The following CHN1 variants were observed in gnomAD, a reference collection of about 807,000 sequenced individuals.
CHN1 encodes chimerin 1, also known as N-chimaerin.
Under a neutral mutation model 59.5 loss-of-function variants are expected in CHN1, and 37 were observed. The observed-to-expected ratio is 0.62, with a 90% CI of 0.48 to 0.82. The LOEUF (loss-of-function observed/expected upper bound fraction) is 0.82. CHN1 is among the 40% of genes least tolerant of loss of function. The probability of loss-of-function intolerance (pLI) is 0.00; values close to 1 mark genes in which losing one functional copy is unlikely to be tolerated. For synonymous variants in CHN1, 206 were observed against 200.4 expected, an observed-to-expected ratio of 1.03 and a Z score of -0.24; for missense variants, 469 against 571.0, an observed-to-expected ratio of 0.82 and a Z score of 1.82.
intron 1 of CHN1, among the ~76,000 whole-genome samples, chr2:174,982,043 G>C (rs148786365): frequency 1.3e-5 from 2 of 152,198 alleles, no homozygotes; most frequent in South Asian, 4.1e-4. Flanking sequence ...GAGAACACGC[G>C]GTGTTTGGTT....
At chr2:174,954,044 A>T (rs551086765) in intron 1 of CHN1, among the ~76,000 whole-genome samples, 1 of 152,352 alleles carries the variant, frequency 6.6e-6, no homozygotes, top group South Asian at 2.1e-4. Flanking sequence ...TTCAAACTAT[A>T]CTATAAGGCC....
Position 175,005,175 on chromosome 2 carries a change from A to G in CHN1, c.-263T>C, listed in dbSNP as rs1692026387. The G allele has an allele frequency of 7.1e-6, 9 of 1,263,880 alleles. No homozygotes were observed. The highest frequency in any genetic ancestry group is 9.0e-6 in the Non-Finnish European group (9 of 1,002,196). The allele number at this position is 1,263,880 out of a possible 1,614,324, so 78.3% of individuals were successfully genotyped here. On this transcript the variant is annotated 5_prime_UTR_variant, in exon 1 of 13. Coordinates refer to ENST00000409900, the MANE Select transcript of CHN1 (RefSeq NM_001822.7). ...CGAGCCGGCACTTGTCGCTGCCATC[A>G]GGCGCGGAGCGTGCGCGCGGGAGGA...
chr2:174,863,233 T>C (rs1687120524), intron 6 of CHN1, among the ~76,000 whole-genome samples: 1 of 152,152 alleles, frequency 6.6e-6, no homozygotes, highest in Non-Finnish European at 1.5e-5. Flanking sequence ...ATGCATGATG[T>C]TTCAAAATCA....
chr2:174,988,274 G>A (rs74543896), intron 1 of CHN1, among the ~76,000 whole-genome samples: 17 of 151,002 alleles, frequency 1.1e-4, no homozygotes, highest in South Asian at 4.2e-4. Context: ...GGAGAATGGC[G>A]TGAACCCGGG....
chr2:174,884,629 G>T (rs1392921261), intron 5 of CHN1, among the ~76,000 whole-genome samples: 1 of 152,168 alleles, frequency 6.6e-6, no homozygotes, highest in Non-Finnish European at 1.5e-5. Flanking sequence ...TAGACAATGT[G>T]TGTGATTATA....
At chr2:175,002,674 T>C (rs766560469) in intron 1 of CHN1, among the ~76,000 whole-genome samples, 1 of 152,170 alleles carries the variant, frequency 6.6e-6, no homozygotes, top group Non-Finnish European at 1.5e-5. Context: ...ATACAAAAGA[T>C]AGGGCCCTGG....
chr2:174,995,271 C>G (rs1163291817), intron 1 of CHN1, among the ~76,000 whole-genome samples: 1 of 152,168 alleles, frequency 6.6e-6, no homozygotes, highest in Non-Finnish European at 1.5e-5. Flanking sequence ...GCACAGTCAA[C>G]TGCAATCTGA....
intron 1 of CHN1, among the ~76,000 whole-genome samples, chr2:174,994,761 T>C (rs1292154100): frequency 6.6e-6 from 1 of 152,154 alleles, no homozygotes; most frequent in Non-Finnish European, 1.5e-5. Flanking sequence ...AAATTTTTTC[T>C]GGAAAGTAGC....
chr2:174,867,630 A>G (rs575560526), intron 6 of CHN1, among the ~76,000 whole-genome samples: 265 of 152,272 alleles, frequency 1.7e-3, no homozygotes, highest in Non-Finnish European at 1.5e-3. Context: ...TTACATAATG[A>G]ATATTGAAAG....
chr2:174,811,392 T>C (rs1297728026), intron 10 of CHN1, 119 bp downstream of exon 10: 1 of 601,458 alleles, frequency 1.7e-6, no homozygotes, highest in African/African-American at 1.9e-5. Context: ...GTTTTTTAAT[T>C]TGGTATAATA....
chr2:174,806,697 T>C lies in CHN1; in HGVS notation c.1102+2208A>G, dbSNP rs529915648. Among the ~76,000 whole-genome samples, 3 of 152,262 alleles carry C rather than the reference T, an allele frequency of 2.0e-5. No homozygotes were observed. The South Asian group carries it at 6.2e-4, about 32-fold the overall frequency. ...ACATCTCCTTTCTAAAATTACATCA[T>C]GGATGTAAAGTGCTCGGCAGGATTC... On this transcript the variant is annotated intron_variant, in intron 11 of 12. Transcript: ENST00000409900.
chr2:174,894,714 C>G (rs1464358765), intron 5 of CHN1, among the ~76,000 whole-genome samples: 1 of 152,124 alleles, frequency 6.6e-6, no homozygotes, highest in Non-Finnish European at 1.5e-5. Context: ...GATGTGAAAG[C>G]AACCAAGACG....
At chr2:174,804,443 T>G (rs1684823363) in intron 11 of CHN1, among the ~76,000 whole-genome samples, 1 of 152,170 alleles carries the variant, frequency 6.6e-6, no homozygotes, top group South Asian at 2.1e-4. Flanking sequence ...AAGGTCATGA[T>G]GTGACATGTA....
At chr2:174,885,042 C>G (rs1203081662) in intron 5 of CHN1, among the ~76,000 whole-genome samples, 2 of 151,908 alleles carry the variant, frequency 1.3e-5, no homozygotes, top group Non-Finnish European at 2.9e-5. Context: ...AATCCCAGCA[C>G]TTTGGGAGGC....
intron 6 of CHN1, among the ~76,000 whole-genome samples, chr2:174,865,857 G>A (rs1179513421): frequency 6.6e-6 from 1 of 152,132 alleles, no homozygotes; most frequent in East Asian, 1.9e-4. Context: ...TTAACAAAAA[G>A]AACATATGGG....
At chr2:174,867,355 G>A (rs529965101) in intron 6 of CHN1, among the ~76,000 whole-genome samples, 124 of 151,420 alleles carry the variant, frequency 8.2e-4, no homozygotes, top group Middle Eastern at 3.4e-3. Context: ...CTCCCGCACA[G>A]GTGACAGAGC....
At chr2:174,958,984 C>T (rs1574213586) in intron 1 of CHN1, among the ~76,000 whole-genome samples, 1 of 151,914 alleles carries the variant, frequency 6.6e-6, no homozygotes, top group Non-Finnish European at 1.5e-5. Context: ...CAATCATGGC[C>T]AAATAAATTT....
At chr2:174,846,410 T>C (rs1234546890) in intron 7 of CHN1, 1 of 1,543,424 alleles carries the variant, frequency 6.5e-7, no homozygotes, top group East Asian at 2.5e-5. Context: ...TCATGGTCAA[T>C]TCATTAACAG....
chr2:174,952,166 TA>T lies in CHN1; in HGVS notation c.55del (p.Tyr19ThrfsTer35). ...DEYRPPVWKSYLYQLQQEAPH... is the reference protein window; with the variant it reads ...DEYRPPVWKSXLYQLQQEAPH... ...CACACAATTATTTGTAGACTTACAG[TA>T]AGATTTCCAAACAGGAGGTCTATAT... On this transcript the variant is annotated frameshift_variant, in exon 2 of 13. Transcript: ENST00000409900. LOFTEE classifies it high-confidence loss of function. 1 of 1,445,146 alleles carries T rather than the reference TA, an allele frequency of 6.9e-7. No individual in the cohort carries two copies. The highest frequency in any genetic ancestry group is 9.2e-7 in the Non-Finnish European group (1 of 1,092,706). The allele number at this position is 1,445,146 out of a possible 1,614,324, so 89.5% of individuals were successfully genotyped here. A position where few individuals can be genotyped will look rare whatever the true frequency, so the allele number is the denominator to read the frequency against.
Sources: gnomAD v4.1 joint callset for allele counts (sites outside exome capture counted in the v4.1 genomes callset) on GRCh38, gnomAD v4.1.1 for gene constraint, MANE v1.5 for transcripts, NCBI Gene and HGNC (gene_info 2026-07-23, HGNC 2026-07-21) for gene names.